The following CCDC178 variants were observed in gnomAD, a reference collection of about 807,000 sequenced individuals.
The protein encoded by CCDC178 is coiled-coil domain containing 178, also known as coiled-coil domain-containing protein 178.
Under a neutral mutation model 117.4 loss-of-function variants are expected in CCDC178, and 126 were observed. The ratio of observed to expected loss-of-function variants is 1.07; its 90% confidence interval spans 0.93 to 1.24. CCDC178 has a LOEUF of 1.24. Among genes scored for constraint, CCDC178 ranks in the 50% most tolerant of loss-of-function variants. CCDC178 has a pLI of 0.00. For missense variants in CCDC178, 1,030 were observed against 986.9 expected, an observed-to-expected ratio of 1.04 and a Z score of -0.59; for synonymous variants, 283 against 313.4, an observed-to-expected ratio of 0.90 and a Z score of 1.02.
intron 5 of CCDC178, among the ~76,000 whole-genome samples, chr18:33,386,135 C>A (rs1005702542): frequency 6.6e-6 from 1 of 152,124 alleles, no homozygotes; most frequent in African/African-American, 2.4e-5. Flanking sequence ...TACACCCTCC[C>A]AGGTCGGGGG....
intron 22 of CCDC178, among the ~76,000 whole-genome samples, chr18:32,969,021 C>A (rs1264623266): frequency 6.6e-6 from 1 of 151,904 alleles, no homozygotes; most frequent in Admixed American, 6.6e-5. Flanking sequence ...CCAGTGAATG[C>A]TTTTGTTTAT....
chr18:33,144,313 C>T (rs1368243088), intron 20 of CCDC178, among the ~76,000 whole-genome samples: 1 of 151,970 alleles, frequency 6.6e-6, no homozygotes, highest in African/African-American at 2.4e-5. Flanking sequence ...ACTTTGCTTT[C>T]CTTAAATTTG....
intron 20 of CCDC178, among the ~76,000 whole-genome samples, chr18:33,097,625 A>G (rs1289479985): frequency 6.6e-6 from 1 of 152,120 alleles, no homozygotes. Context: ...TTAACCGTCC[A>G]ATATATTCCC....
At chr18:33,044,566 C>A (rs991404452) in intron 21 of CCDC178, among the ~76,000 whole-genome samples, 3 of 151,836 alleles carry the variant, frequency 2.0e-5, no homozygotes, top group Admixed American at 6.6e-5. Flanking sequence ...AACACTTATA[C>A]ACTCTTGGTG....
At chr18:33,411,324 A>G (rs2063849664) in intron 3 of CCDC178, among the ~76,000 whole-genome samples, 1 of 152,178 alleles carries the variant, frequency 6.6e-6, no homozygotes. Flanking sequence ...TGTGGGCCAA[A>G]TGCAGTCTCT....
At chr18:33,294,005 G>A (rs1354686732) in intron 11 of CCDC178, among the ~76,000 whole-genome samples, 2 of 152,276 alleles carry the variant, frequency 1.3e-5, no homozygotes, top group East Asian at 3.9e-4. Context: ...AGGCAGAAGT[G>A]AAAAGACCAA....
At chr18:33,376,045 G>T (rs2063360982) in intron 5 of CCDC178, among the ~76,000 whole-genome samples, 1 of 152,212 alleles carries the variant, frequency 6.6e-6, no homozygotes, top group African/African-American at 2.4e-5. Context: ...CAAGTGCGCA[G>T]CTTGACTTAT....
At position 33,377,452 on chromosome 18, in the gene CCDC178, A is replaced by G. The variant is rs191574828; in HGVS notation, c.209-7263T>C. Among the ~76,000 whole-genome samples, 142 of 152,282 alleles carry G rather than the reference A, an allele frequency of 9.3e-4. No individual in the cohort carries two copies. The Middle Eastern group carries it at 0.01, about 11-fold the overall frequency. On this transcript the variant is annotated intron_variant, in intron 5 of 22. Coordinates refer to ENST00000383096, the MANE Select transcript of CCDC178 (RefSeq NM_001105528.4). The stretch of plus-strand genomic sequence containing the variant: ...TCCAAAAGACTTTTAGATTAATTAA[A>G]TCCCACTTGTCAATGTTTTGTTTTG...
chr18:33,265,512 A>G (rs997065477), intron 14 of CCDC178, among the ~76,000 whole-genome samples: 4 of 152,076 alleles, frequency 2.6e-5, no homozygotes, highest in African/African-American at 9.7e-5. Context: ...AGGAAGTGGT[A>G]AAAACATTCT....
chr18:33,297,818 G>C (rs1464918109), intron 11 of CCDC178, among the ~76,000 whole-genome samples: 1 of 152,088 alleles, frequency 6.6e-6, no homozygotes, highest in Admixed American at 6.6e-5. Flanking sequence ...TAAACAGGTG[G>C]ACCATGAAGT....
At chr18:33,123,575 A>T (rs2057964976) in intron 20 of CCDC178, among the ~76,000 whole-genome samples, 2 of 152,196 alleles carry the variant, frequency 1.3e-5, no homozygotes, top group Non-Finnish European at 2.9e-5. Flanking sequence ...GTAAAAAATG[A>T]CATAAAAGAA....
At chr18:33,245,174 T>G in intron 15 of CCDC178, 71 bp downstream of exon 15, 4 of 1,302,164 alleles carry the variant, frequency 3.1e-6, no homozygotes, top group Non-Finnish European at 2.0e-6. Context: ...ATTATCAAGA[T>G]GAAATCGATA....
At chr18:33,177,724 T>C (rs1040103335) in intron 20 of CCDC178, among the ~76,000 whole-genome samples, 1 of 152,222 alleles carries the variant, frequency 6.6e-6, no homozygotes, top group Non-Finnish European at 1.5e-5. Flanking sequence ...TTTCAGCACA[T>C]TGAAATATGG....
intron 22 of CCDC178, among the ~76,000 whole-genome samples, chr18:32,969,610 A>T (rs562843360): frequency 3.1e-4 from 47 of 152,028 alleles, no homozygotes; most frequent in African/African-American, 1.1e-3. Context: ...CCAACTTTTT[A>T]AATATTTCTC....
intron 11 of CCDC178, among the ~76,000 whole-genome samples, chr18:33,305,752 T>C (rs1470690779): frequency 2.0e-5 from 3 of 152,118 alleles, no homozygotes; most frequent in African/African-American, 2.4e-5. Flanking sequence ...CCCTCCTCCT[T>C]CTTCTCCTCC....
At chr18:33,197,697 G>A (rs2058947604) in intron 20 of CCDC178, among the ~76,000 whole-genome samples, 1 of 151,394 alleles carries the variant, frequency 6.6e-6, no homozygotes, top group African/African-American at 2.4e-5. Context: ...GGGAAAAGAA[G>A]GATCCTTTAT....
intron 20 of CCDC178, among the ~76,000 whole-genome samples, chr18:33,127,960 G>A (rs964755792): frequency 3.3e-5 from 5 of 152,112 alleles, no homozygotes; most frequent in Non-Finnish European, 5.9e-5. Flanking sequence ...AAAAGGTACC[G>A]TCTGCCATCT....
chr18:33,278,123 T>A (rs535794225), intron 12 of CCDC178, among the ~76,000 whole-genome samples: 1 of 151,938 alleles, frequency 6.6e-6, no homozygotes, highest in African/African-American at 2.4e-5. Flanking sequence ...CAAGTACAGA[T>A]GAAACTATAT....
At chr18:32,952,067 C>T (rs1254329807) in intron 22 of CCDC178, among the ~76,000 whole-genome samples, 2 of 152,206 alleles carry the variant, frequency 1.3e-5, no homozygotes, top group African/African-American at 4.8e-5. Context: ...GGTACAGCCC[C>T]CCCTCCCAGC....
Sources: allele counts gnomAD v4.1 joint callset (sites outside exome capture counted in the v4.1 genomes callset), GRCh38; gene constraint gnomAD v4.1.1; transcripts MANE v1.5; gene names NCBI Gene and HGNC (gene_info 2026-07-23, HGNC 2026-07-21).